The following DRC12 variants were observed in gnomAD, a reference collection of about 807,000 sequenced individuals.
DRC12 encodes dynein regulatory complex protein 12.
chr11:119,193,541 G>T, the DRC12 span: 1 of 1,400,058 alleles, frequency 7.1e-7, no homozygotes, highest in Non-Finnish European at 9.4e-7. Context: ...ACAGCATCAA[G>T]CACATGGCAC....
At chr11:119,190,892 C>T in the DRC12 span, 15 of 1,582,228 alleles carry the variant, frequency 9.5e-6, no homozygotes, top group South Asian at 6.7e-5. The surrounding 1 kb of genome is among the most constrained non-coding windows in gnomAD (Gnocchi z 4.2). Flanking sequence ...CTATCCTTGA[C>T]CAGTCTCTCC....
chr11:119,193,197 G>A, the DRC12 span: 3 of 1,614,150 alleles, frequency 1.9e-6, no homozygotes, highest in African/African-American at 1.3e-5. Context: ...GCTGCTTGCT[G>A]CGGGTTTGCA....
At chr11:119,193,209 A>C in the DRC12 span, 1 of 1,614,068 alleles carries the variant, frequency 6.2e-7, no homozygotes. Context: ...GGGTTTGCAT[A>C]TCCTCCTGCA....
the DRC12 span, chr11:119,193,520 G>A: frequency 7.5e-7 from 1 of 1,327,792 alleles, no homozygotes. Flanking sequence ...ATGACTGCAT[G>A]TGTATCCTAC....
the DRC12 span, chr11:119,194,971 T>C: frequency 6.4e-7 from 1 of 1,551,526 alleles, no homozygotes; most frequent in Non-Finnish European, 8.7e-7. Flanking sequence ...AGCCTGTGCC[T>C]GGACTCGGCC....
the DRC12 span, chr11:119,190,400 T>C: frequency 6.2e-7 from 1 of 1,613,722 alleles, no homozygotes; most frequent in South Asian, 1.1e-5. The surrounding 1 kb of genome is among the most constrained non-coding windows in gnomAD (Gnocchi z 4.2). Flanking sequence ...TGCTGCCCCA[T>C]CCCACTGCTG....
At chr11:119,193,520 G>T in the DRC12 span, 1 of 1,327,790 alleles carries the variant, frequency 7.5e-7, no homozygotes, top group Non-Finnish European at 1.0e-6. Context: ...ATGACTGCAT[G>T]TGTATCCTAC....
At chr11:119,195,540 G>T in the DRC12 span, 1 of 1,401,834 alleles carries the variant, frequency 7.1e-7, no homozygotes, top group Non-Finnish European at 9.9e-7. Flanking sequence ...TCTGGACACA[G>T]GGATGCTTTC....
chr11:119,190,656 G>A, the DRC12 span: 1 of 1,588,824 alleles, frequency 6.3e-7, no homozygotes, highest in Non-Finnish European at 8.6e-7. The surrounding 1 kb of genome is among the most constrained non-coding windows in gnomAD (Gnocchi z 4.2). Context: ...GGGTTTGTGG[G>A]CATGGGGGAG....
chr11:119,195,353 G>T, the DRC12 span: 2 of 1,375,280 alleles, frequency 1.5e-6, no homozygotes, highest in Non-Finnish European at 2.0e-6. Flanking sequence ...AATTCTCTCT[G>T]GAGGAGCTCT....
the DRC12 span, chr11:119,195,523 G>A: frequency 6.7e-7 from 1 of 1,490,162 alleles, no homozygotes; most frequent in Non-Finnish European, 9.2e-7. Flanking sequence ...GGGACCTTAT[G>A]TTTAGGTCTG....
chr11:119,190,335 G>C, the DRC12 span: 22 of 1,614,140 alleles, frequency 1.4e-5, no homozygotes, highest in East Asian at 4.5e-5. The surrounding 1 kb of genome is among the most constrained non-coding windows in gnomAD (Gnocchi z 4.2). Flanking sequence ...AAAGATCCAG[G>C]GGGGGTGAGT....
At chr11:119,193,727 G>C in the DRC12 span, 1 of 1,547,958 alleles carries the variant, frequency 6.5e-7, no homozygotes. Flanking sequence ...CCTCCTCCAA[G>C]CCCCTGTCTC....
chr11:119,193,174 A>ACT, the DRC12 span: 1 of 1,613,978 alleles, frequency 6.2e-7, no homozygotes, highest in Non-Finnish European at 8.5e-7. Flanking sequence ...AAGGCCTTTG[A>ACT]CTTCTTCCTC....
At chr11:119,193,544 C>T in the DRC12 span, 8 of 1,411,838 alleles carry the variant, frequency 5.7e-6, no homozygotes, top group South Asian at 7.5e-5. Context: ...GCATCAAGCA[C>T]ATGGCACCAG....
the DRC12 span, chr11:119,190,928 A>G: frequency 2.0e-6 from 3 of 1,476,474 alleles, no homozygotes; most frequent in Admixed American, 6.2e-5. The surrounding 1 kb of genome is among the most constrained non-coding windows in gnomAD (Gnocchi z 4.2). Context: ...GGAGACCTCA[A>G]ATGGGCTCGT....
At chr11:119,194,533 A>AT in the DRC12 span, among the ~76,000 whole-genome samples, 226 of 139,860 alleles carry the variant, frequency 1.6e-3, 4 homozygotes, top group African/African-American at 5.3e-3. Flanking sequence ...AAAAAAAAAA[A>AT]AAAAAAAAAA....
chr11:119,190,780 C>T, the DRC12 span: 44 of 1,614,004 alleles, frequency 2.7e-5, no homozygotes, highest in African/African-American at 2.9e-4. This position sits in a 1 kb window ranked among gnomAD's most constrained non-coding sequence, Gnocchi z 4.2. Context: ...GGCCTGGTCC[C>T]GCTCTCCGAG....
At chr11:119,193,506 G>T in the DRC12 span, 2 of 1,270,822 alleles carry the variant, frequency 1.6e-6, no homozygotes, top group Non-Finnish European at 2.1e-6. Context: ...TTGAGATGAT[G>T]GCTATGACTG....
Sources: gnomAD v4.1 joint callset for allele counts (sites outside exome capture counted in the v4.1 genomes callset) on GRCh38, gnomAD v4.1.1 for gene constraint, Gnocchi (gnomAD v3.1) non-coding constraint, MANE v1.5 for transcripts, NCBI Gene and HGNC (gene_info 2026-07-23, HGNC 2026-07-21) for gene names.